The following DIAPH3 variants were observed in gnomAD, a reference collection of about 807,000 sequenced individuals.
DIAPH3 encodes the protein diaphanous related formin 3.
A neutral mutation model predicts 144.3 loss-of-function variants in DIAPH3; 117 were observed. The observed-to-expected ratio is 0.81, with a 90% CI of 0.70 to 0.95. DIAPH3 has a LOEUF of 0.95. Ranked by LOEUF, DIAPH3 falls within the 40% of genes least tolerant of loss-of-function variation. The pLI is 0.00. For synonymous variants in DIAPH3, 519 were observed against 488.9 expected, an observed-to-expected ratio of 1.06 and a Z score of -0.81; for missense variants, 1,421 against 1,412.7, an observed-to-expected ratio of 1.01 and a Z score of -0.09.
At chr13:59,736,690 A>C (rs2036169406) in intron 27 of DIAPH3, among the ~76,000 whole-genome samples, 1 of 152,204 alleles carries the variant, frequency 6.6e-6, no homozygotes, top group African/African-American at 2.4e-5. Flanking sequence ...AAAAGAGCCC[A>C]AATAGTCAAG....
chr13:59,722,835 G>A (rs1325301791), intron 27 of DIAPH3, among the ~76,000 whole-genome samples: 1 of 152,026 alleles, frequency 6.6e-6, no homozygotes, highest in Non-Finnish European at 1.5e-5. Flanking sequence ...CCTGTGTTAG[G>A]GCTTCACATG....
rs540098309 is a variant in DIAPH3, at chr13:59,704,778, T to C, written c.3320-37932A>G. ...TGTAGTAGGCTATCCCATCTAGGTTTGTGTTAGGTATGCTCTATTATGTTC... is the reference window on the plus strand; with the variant it reads ...TGTAGTAGGCTATCCCATCTAGGTTCGTGTTAGGTATGCTCTATTATGTTC... On this transcript the variant is annotated intron_variant, in intron 27 of 27. Coordinates refer to ENST00000400324, the MANE Select transcript of DIAPH3 (RefSeq NM_001042517.2). 1.5e-4 allele frequency among the ~76,000 whole-genome samples: 23 copies of C among 152,344 alleles called. No homozygotes were observed. The South Asian group carries it at 2.3e-3, about 15-fold the overall frequency.
chr13:59,960,149 T>C (rs1212856983), intron 17 of DIAPH3, among the ~76,000 whole-genome samples: 1 of 152,204 alleles, frequency 6.6e-6, no homozygotes, highest in Non-Finnish European at 1.5e-5. Context: ...ATATTCTGAG[T>C]TGAATAATTT....
intron 24 of DIAPH3, among the ~76,000 whole-genome samples, chr13:59,814,270 T>C (rs1243790775): frequency 6.6e-6 from 1 of 152,196 alleles, no homozygotes; most frequent in Admixed American, 6.5e-5. Flanking sequence ...AAAATTACTT[T>C]TCCAAGACCT....
rs769655770 is a variant in DIAPH3, at chr13:59,861,543, AG to A, written c.2608-8del. The A allele has an allele frequency of 1.9e-6, 3 of 1,613,404 alleles. No homozygotes were observed. The highest frequency in any genetic ancestry group is 2.7e-5 in the African/African-American group (2 of 74,906). ...CTGATTTTGTGTCCTTTAGCTAAAT[AG>A]AACAGGAGGGAGAAAAAACACAGAG... On this transcript the variant is annotated splice_polypyrimidine_tract_variant and splice_region_variant and intron_variant, in intron 21 of 27. Transcript: ENST00000400324.
intron 24 of DIAPH3, among the ~76,000 whole-genome samples, chr13:59,827,881 A>T (rs1326177138): frequency 6.6e-6 from 1 of 152,064 alleles, no homozygotes; most frequent in Non-Finnish European, 1.5e-5. Context: ...TGTTGGATAG[A>T]TTAAGGAGGA....
chr13:59,948,437 A>G (rs777601647), intron 17 of DIAPH3, among the ~76,000 whole-genome samples: 2 of 151,970 alleles, frequency 1.3e-5, no homozygotes, highest in Non-Finnish European at 2.9e-5. Context: ...CCTAGTTTCC[A>G]TTACACTTAG....
rs1401572556 is a variant in DIAPH3 at position 59,802,666 on chromosome 13, TA to T, written c.3163+8121del. On this transcript the variant is annotated intron_variant, in intron 25 of 27. Transcript: ENST00000400324. The stretch of plus-strand genomic sequence containing the variant: ...TCTATATTATTATTATTATTATTAT[TA>T]TTTTTTTTTTTTTTTTTTTTTTTTT... 6.3e-3 allele frequency among the ~76,000 whole-genome samples: 285 copies of T among 44,916 alleles called. 13 individuals are homozygous for T. The highest frequency in any genetic ancestry group is 0.02 in the African/African-American group (235 of 11,778). The allele number at this position is 44,916 out of a possible 152,430, so 29.5% of individuals were successfully genotyped here. A position where few individuals can be genotyped will look rare whatever the true frequency, so the allele number is the denominator to read the frequency against.
intron 5 of DIAPH3, among the ~76,000 whole-genome samples, chr13:60,024,703 T>C (rs2141050077): frequency 6.6e-6 from 1 of 152,366 alleles, no homozygotes; most frequent in Non-Finnish European, 1.5e-5. Flanking sequence ...GATATCGTGT[T>C]ATAAGATTCT....
At chr13:59,903,573 T>C (rs2046569050) in intron 20 of DIAPH3, among the ~76,000 whole-genome samples, 1 of 151,490 alleles carries the variant, frequency 6.6e-6, no homozygotes, top group African/African-American at 2.4e-5. Flanking sequence ...ACCTAGAAGT[T>C]AAATGGCAAG....
At chr13:60,138,730 T>C (rs1394674029) in intron 1 of DIAPH3, among the ~76,000 whole-genome samples, 2 of 123,284 alleles carry the variant, frequency 1.6e-5, no homozygotes, top group African/African-American at 6.0e-5. Flanking sequence ...ACAAAATGAA[T>C]AAATCACAGG....
intron 27 of DIAPH3, among the ~76,000 whole-genome samples, chr13:59,686,533 A>G (rs2033223426): frequency 6.6e-6 from 1 of 151,652 alleles, no homozygotes; most frequent in South Asian, 2.1e-4. Flanking sequence ...AAGTACTGCT[A>G]TTTAATAAAC....
chr13:59,878,617 T>C (rs947633737), intron 21 of DIAPH3, among the ~76,000 whole-genome samples: 1 of 152,074 alleles, frequency 6.6e-6, no homozygotes, highest in African/African-American at 2.4e-5. Context: ...ACATTGAATA[T>C]ATTTGCTGTA....
intron 25 of DIAPH3, among the ~76,000 whole-genome samples, chr13:59,800,673 CAT>C (rs780109250): frequency 9.9e-5 from 15 of 152,268 alleles, no homozygotes; most frequent in South Asian, 4.2e-4. Context: ...ATCCAAACGA[CAT>C]GTTTCCTCAG....
intron 5 of DIAPH3, among the ~76,000 whole-genome samples, chr13:60,042,367 T>C (rs934391874): frequency 2.6e-5 from 4 of 152,168 alleles, no homozygotes; most frequent in African/African-American, 7.2e-5. Flanking sequence ...CAAGTAAATA[T>C]ACAATGACAA....
chr13:60,160,263 C>T (rs1201803224), intron 1 of DIAPH3, among the ~76,000 whole-genome samples: 2 of 152,124 alleles, frequency 1.3e-5, no homozygotes, highest in African/African-American at 2.4e-5. Flanking sequence ...TCAAAACCAA[C>T]ACTGAAGGTA....
chr13:59,779,696 G>T (rs1486472231), intron 25 of DIAPH3, among the ~76,000 whole-genome samples: 1 of 151,904 alleles, frequency 6.6e-6, no homozygotes, highest in African/African-American at 2.4e-5. Flanking sequence ...ATTTTTACTA[G>T]AGACAGGGTT....
chr13:60,019,847 C>T (rs2053891521), intron 5 of DIAPH3, among the ~76,000 whole-genome samples: 1 of 152,128 alleles, frequency 6.6e-6, no homozygotes, highest in Admixed American at 6.5e-5. Flanking sequence ...CTCAGATTTA[C>T]CTCCTGGCCA....
At chr13:59,808,273 T>C (rs2040294667) in intron 25 of DIAPH3, among the ~76,000 whole-genome samples, 1 of 151,840 alleles carries the variant, frequency 6.6e-6, no homozygotes, top group Non-Finnish European at 1.5e-5. Flanking sequence ...TGAGCTAACT[T>C]GTACAAATCA....
Sources: gnomAD v4.1 joint callset for allele counts (sites outside exome capture counted in the v4.1 genomes callset) on GRCh38, gnomAD v4.1.1 for gene constraint, MANE v1.5 for transcripts, NCBI Gene and HGNC (gene_info 2026-07-23, HGNC 2026-07-21) for gene names.